Variants in PMFBP1 observed in about 807,000 individuals in gnomAD.
PMFBP1 encodes polyamine modulated factor 1 binding protein 1, also known as polyamine-modulated factor 1-binding protein 1.
PMFBP1 carries 131 observed loss-of-function variants against 137.8 expected under a neutral mutation model. The observed-to-expected ratio is 0.95, with a 90% CI of 0.82 to 1.10. PMFBP1 has a LOEUF of 1.10. PMFBP1 is among the 50% of genes least tolerant of loss of function. PMFBP1 has a pLI of 0.00. For synonymous variants in PMFBP1, 490 were observed against 450.4 expected (o/e 1.09, Z -1.11); for missense variants, 1,199 against 1,175.4 (o/e 1.02, Z -0.29).
chr16:72,200,186 T>A, the PMFBP1 span, among the ~76,000 whole-genome samples: 1 of 152,200 alleles, frequency 6.6e-6, no homozygotes, highest in Non-Finnish European at 1.5e-5. Context: ...CAGGGTGACC[T>A]CAGGTAGAGC....
intron 6 of PMFBP1, 30 bp from the exon 7 acceptor site, chr16:72,139,429 G>T (rs779347008): frequency 2.7e-6 from 4 of 1,481,400 alleles, no homozygotes; most frequent in Non-Finnish European, 3.8e-6. Flanking sequence ...AGTTATGCTG[G>T]ATGATCAATG....
chr16:72,235,643 G>T, the PMFBP1 span, among the ~76,000 whole-genome samples: 1 of 151,756 alleles, frequency 6.6e-6, no homozygotes, highest in African/African-American at 2.4e-5. Context: ...TCCAATCCAT[G>T]ACCATTTATT....
chr16:72,143,323 A>T (rs189104094), intron 5 of PMFBP1, among the ~76,000 whole-genome samples: 129 of 152,364 alleles, frequency 8.5e-4, no homozygotes, highest in Middle Eastern at 6.8e-3. Context: ...GATAAGATGG[A>T]AAATAAGTTG....
Position 72,119,177 on chromosome 16 carries a change from A to G in PMFBP1, c.*161T>C. On this transcript the variant is annotated 3_prime_UTR_variant, in exon 21 of 21. Coordinates refer to ENST00000237353, the MANE Select transcript of PMFBP1 (RefSeq NM_031293.3). ...TTCTAAAGCTCACTCCATGGCAGGA[A>G]GTGGACAAAACTCAACAAAAGTTAG... 1.3e-6 allele frequency: 1 copy of G among 744,852 alleles called. No homozygotes were observed. Among genetic ancestry groups the G allele is most frequent in the Non-Finnish European group, 2.3e-6 (1 of 444,400 alleles). The allele number at this position is 744,852 out of a possible 1,614,324, so 46.1% of individuals were successfully genotyped here. A position where few individuals can be genotyped will look rare whatever the true frequency, so the allele number is the denominator to read the frequency against.
At chr16:72,228,279 A>C in the PMFBP1 span, among the ~76,000 whole-genome samples, 1 of 152,186 alleles carries the variant, frequency 6.6e-6, no homozygotes, top group Non-Finnish European at 1.5e-5. Flanking sequence ...ACTGGGTGAA[A>C]GGAAGGTTCT....
intron 4 of PMFBP1, among the ~76,000 whole-genome samples, chr16:72,151,431 T>C (rs2042901840): frequency 6.6e-6 from 1 of 152,204 alleles, no homozygotes; most frequent in African/African-American, 2.4e-5. Flanking sequence ...AGACATATGC[T>C]CACCCCTCAA....
chr16:72,241,797 C>T, the PMFBP1 span, among the ~76,000 whole-genome samples: 2 of 152,282 alleles, frequency 1.3e-5, no homozygotes, highest in African/African-American at 4.8e-5. Flanking sequence ...ATTTAATGGA[C>T]CACAATATAT....
At chr16:72,211,039 T>G in the PMFBP1 span, among the ~76,000 whole-genome samples, 2 of 152,164 alleles carry the variant, frequency 1.3e-5, no homozygotes, top group African/African-American at 2.4e-5. Context: ...TTTTATCACC[T>G]TAGAGGACAG....
intron 19 of PMFBP1, among the ~76,000 whole-genome samples, chr16:72,121,929 A>G (rs2144226766): frequency 6.6e-6 from 1 of 152,250 alleles, no homozygotes; most frequent in Middle Eastern, 3.4e-3. Flanking sequence ...GTTTAGATTC[A>G]GGGGTACATG....
the PMFBP1 span, among the ~76,000 whole-genome samples, chr16:72,235,016 G>A: frequency 7.2e-5 from 11 of 152,020 alleles, no homozygotes; most frequent in Non-Finnish European, 1.2e-4. Context: ...TCTTGATGGC[G>A]TACTTTGAAG....
chr16:72,196,430 C>T, the PMFBP1 span, among the ~76,000 whole-genome samples: 1 of 152,122 alleles, frequency 6.6e-6, no homozygotes, highest in East Asian at 1.9e-4. Context: ...GCTGCCTCCC[C>T]CAACCTCTGA....
intron 9 of PMFBP1, among the ~76,000 whole-genome samples, chr16:72,135,777 C>T (rs1307963391): frequency 3.9e-5 from 4 of 102,974 alleles, no homozygotes; most frequent in East Asian, 6.6e-4. Context: ...GACAGGGTCT[C>T]ATTCTAGTGT....
At chr16:72,207,543 GC>G in the PMFBP1 span, among the ~76,000 whole-genome samples, 1 of 152,122 alleles carries the variant, frequency 6.6e-6, no homozygotes, top group African/African-American at 2.4e-5. Flanking sequence ...GGAAATTGCA[GC>G]ATTGAGAATT....
At chr16:72,209,739 C>T in the PMFBP1 span, among the ~76,000 whole-genome samples, 1 of 152,182 alleles carries the variant, frequency 6.6e-6, no homozygotes. Flanking sequence ...TATTGACCCT[C>T]AGGTTGACCA....
rs116014493 is a variant in PMFBP1, at chr16:72,142,876, A to G, written c.637-2294T>C. On this transcript the variant is annotated intron_variant, in intron 5 of 20. Transcript: ENST00000237353. Reference sequence around the variant, plus strand: ...TCATTATATTAGGATGGCATAATCCAGACACCAATATGCAAGGAAAGCACA... The same window carrying G: ...TCATTATATTAGGATGGCATAATCCGGACACCAATATGCAAGGAAAGCACA... 3.2e-3 allele frequency among the ~76,000 whole-genome samples: 489 copies of G among 152,364 alleles called. 3 individuals carry two copies. The highest frequency in any genetic ancestry group is 0.01 in the Middle Eastern group (3 of 294).
At chr16:72,187,084 G>C in the PMFBP1 span, among the ~76,000 whole-genome samples, 1 of 149,952 alleles carries the variant, frequency 6.7e-6, no homozygotes, top group Non-Finnish European at 1.5e-5. Context: ...CTGCACTCCA[G>C]GCTGGGTGAC....
At chr16:72,242,687 G>T in the PMFBP1 span, among the ~76,000 whole-genome samples, 1 of 152,288 alleles carries the variant, frequency 6.6e-6, no homozygotes, top group African/African-American at 2.4e-5. Flanking sequence ...CAATGCTTTT[G>T]ATTTCTATCT....
the PMFBP1 span, among the ~76,000 whole-genome samples, chr16:72,221,768 G>C: frequency 6.6e-6 from 1 of 152,190 alleles, no homozygotes; most frequent in African/African-American, 2.4e-5. Context: ...ACATAAAATT[G>C]ATGTTCCTGA....
chr16:72,193,585 A>T, the PMFBP1 span, among the ~76,000 whole-genome samples: 1 of 152,040 alleles, frequency 6.6e-6, no homozygotes, highest in Non-Finnish European at 1.5e-5. Context: ...TTAAAGAGAA[A>T]GCTTGGAGAT....
Sources: allele counts gnomAD v4.1 joint callset (sites outside exome capture counted in the v4.1 genomes callset), GRCh38; gene constraint gnomAD v4.1.1; transcripts MANE v1.5; gene names NCBI Gene and HGNC (gene_info 2026-07-23, HGNC 2026-07-21).